The following PHF6 variants were observed in gnomAD, a reference collection of about 807,000 sequenced individuals.
PHF6 encodes the protein PHD finger protein 6, also known as PHD-like zinc finger protein.
A neutral mutation model predicts 34.0 loss-of-function variants in PHF6; 7 were observed. The observed-to-expected ratio is 0.21, with a 90% CI of 0.12 to 0.39. PHF6 has a LOEUF of 0.39. Among genes scored for constraint, PHF6 ranks in the 10% least tolerant of loss-of-function variants. PHF6 has a pLI of 1.00. For missense variants in PHF6, 128 were observed against 262.8 expected, an observed-to-expected ratio of 0.49 and a Z score of 3.55; for synonymous variants, 89 against 88.4, an observed-to-expected ratio of 1.01 and a Z score of -0.04.
At chrX:134,391,480 T>G (rs775554496) in intron 3 of PHF6, among the ~76,000 whole-genome samples, 1 of 111,809 alleles carries the variant, frequency 8.9e-6, no homozygotes, top group African/African-American at 3.2e-5. Flanking sequence ...TATGTACCAA[T>G]TTCCAGCTGT....
rs766066213 is a variant in PHF6 at position 134,378,549 on chromosome X, C to A, written c.240+443C>A. 4.4e-5 allele frequency among the ~76,000 whole-genome samples: 5 copies of A among 112,447 alleles called. No homozygotes were observed. The South Asian group carries it at 1.8e-3, about 41-fold the overall frequency. Reference sequence around the variant, plus strand: ...AGCACTTGCTGAACAAAGTATTTTACTGTAGTTCAGCTGTATAACACAACA... The same window carrying A: ...AGCACTTGCTGAACAAAGTATTTTAATGTAGTTCAGCTGTATAACACAACA... On this transcript the variant is annotated intron_variant, in intron 3 of 10. Coordinates refer to ENST00000370803, the MANE Select transcript of PHF6 (RefSeq NM_001015877.2).
chrX:134,384,936 C>A (rs970945606), intron 3 of PHF6, among the ~76,000 whole-genome samples: 14 of 111,920 alleles, frequency 1.3e-4, no homozygotes, highest in African/African-American at 4.5e-4. Flanking sequence ...CAGGCGTGAG[C>A]CACTGCGCCC....
chrX:134,374,870 A>G (rs939305862), intron 1 of PHF6, among the ~76,000 whole-genome samples: 3 of 112,026 alleles, frequency 2.7e-5, no homozygotes, highest in African/African-American at 6.5e-5. Context: ...TGTTTCTTTT[A>G]AAGAAAAGCC....
At chrX:134,381,382 T>A (rs2077306606) in intron 3 of PHF6, among the ~76,000 whole-genome samples, 2 of 111,648 alleles carry the variant, frequency 1.8e-5, no homozygotes, top group Non-Finnish European at 3.8e-5. Flanking sequence ...TGTGTCAATT[T>A]GTCTAAGCAA....
chrX:134,418,143 G>GAGCATATGCA (rs1285785550), intron 9 of PHF6: 3 of 111,221 alleles, frequency 2.7e-5, no homozygotes, highest in African/African-American at 9.8e-5. Context: ...GCAGAGAGAA[G>GAGCATATGCA]AGCATATGCA....
At chrX:134,393,730 C>A in intron 4 of PHF6, 96 bp downstream of exon 4, 1 of 874,910 alleles carries the variant, frequency 1.1e-6, no homozygotes, top group Non-Finnish European at 1.6e-6. Flanking sequence ...ATTTCATCAT[C>A]ATCATAAAGG....
chrX:134,381,423 GA>G (rs1370188919), intron 3 of PHF6, among the ~76,000 whole-genome samples: 18 of 110,312 alleles, frequency 1.6e-4, no homozygotes, highest in African/African-American at 2.6e-4. Context: ...TAGGAGGGGG[GA>G]AAAAGAGTGA....
At chrX:134,425,580 T>C (rs890702316) in intron 10 of PHF6, 81 bp from the exon 11 acceptor site, 8 of 358,657 alleles carry the variant, frequency 2.2e-5, no homozygotes, top group Non-Finnish European at 3.4e-5. Context: ...CAATAAGATA[T>C]TCACACTCCT....
intron 1 of PHF6, among the ~76,000 whole-genome samples, chrX:134,375,209 AT>A (rs1482225016): frequency 8.9e-6 from 1 of 112,308 alleles, no homozygotes; most frequent in Non-Finnish European, 1.9e-5. Context: ...GTCATTGCAC[AT>A]TGGGGAAAGT....
At chrX:134,406,094 CTT>C (rs2077422967) in intron 5 of PHF6, among the ~76,000 whole-genome samples, 2 of 99,155 alleles carry the variant, frequency 2.0e-5, no homozygotes, top group African/African-American at 7.5e-5. Context: ...TTCTTTCTTT[CTT>C]TCTTTCTTTC....
In PHF6 at chrX:134,422,832, G is replaced by A. The variant is rs375369567; in HGVS notation, c.969-2369G>A. ...ACCTAGACTAGTGAAGGCCATATAA[G>A]GGCCTATGGGAAATATTCTGCAAGT... On this transcript the variant is annotated intron_variant, in intron 9 of 10. Transcript: ENST00000370803. Among the ~76,000 whole-genome samples, 19 of 111,214 alleles carry A rather than the reference G, an allele frequency of 1.7e-4. No individual in the cohort carries two copies. In the East Asian group the frequency reaches 4.8e-3, roughly 28 times the overall value.
chrX:134,416,952 G>A (rs1057096203), intron 8 of PHF6, among the ~76,000 whole-genome samples: 1 of 111,893 alleles, frequency 8.9e-6, no homozygotes, highest in Non-Finnish European at 1.9e-5. Context: ...GACCTGGGAT[G>A]GTCAGTAGTT....
Position 134,393,554 on chromosome X carries a change from A to G in PHF6, c.294A>G (p.Thr98=), listed in dbSNP as rs766171622. 5 of 1,208,965 alleles carry G rather than the reference A, an allele frequency of 4.1e-6. No individual in the cohort carries two copies. Among genetic ancestry groups the G allele is most frequent in the Non-Finnish European group, 3.4e-6 (3 of 892,848 alleles). Residue 98 remains threonine (T), a synonymous_variant, in exon 4 of 11, where the codon ACA becomes ACG. Coordinates refer to ENST00000370803, the MANE Select transcript of PHF6 (RefSeq NM_001015877.2). The part of the protein sequence containing the change: ...PGATIGCDVK[T]CHRTYHYHCA... ...CAACAATTGGTTGTGATGTGAAAAC[A>G]TGTCACAGGACATACCACTACCACT...
chrX:134,415,635 T>C (rs1192352375), intron 8 of PHF6, among the ~76,000 whole-genome samples: 2 of 112,405 alleles, frequency 1.8e-5, no homozygotes, highest in Non-Finnish European at 3.8e-5. Context: ...TATTGATCGC[T>C]TACTCCTTTA....
intron 3 of PHF6, among the ~76,000 whole-genome samples, chrX:134,384,488 A>G (rs1380681267): frequency 2.7e-5 from 3 of 110,374 alleles, no homozygotes; most frequent in African/African-American, 6.6e-5. Flanking sequence ...CTTAAACTCA[A>G]CCTGTCTTAA....
At chrX:134,413,253 T>TA (rs372259751) in intron 5 of PHF6, among the ~76,000 whole-genome samples, 82 of 109,983 alleles carry the variant, frequency 7.5e-4, no homozygotes, top group Non-Finnish European at 1.2e-3. Flanking sequence ...AAACCTATGG[T>TA]AAAAAAAAAT....
intron 3 of PHF6, 115 bp downstream of exon 3, chrX:134,378,221 C>A: frequency 4.7e-6 from 2 of 429,007 alleles, no homozygotes; most frequent in Non-Finnish European, 7.5e-6. Context: ...AAATTGCAGG[C>A]TTTTCTTTTT....
chrX:134,373,880 A>G (rs1421419958), intron 1 of PHF6, among the ~76,000 whole-genome samples: 3 of 101,114 alleles, frequency 3.0e-5, no homozygotes, highest in Non-Finnish European at 6.0e-5. Flanking sequence ...GGTGGGGGGA[A>G]TTAGGGGTGA....
At chrX:134,395,188 C>G in intron 5 of PHF6, among the ~76,000 whole-genome samples, 1 of 112,004 alleles carries the variant, frequency 8.9e-6, no homozygotes, top group Admixed American at 9.4e-5. Context: ...AAATGGGATC[C>G]TTGATACTGT....
Sources: allele counts gnomAD v4.1 joint callset (sites outside exome capture counted in the v4.1 genomes callset), GRCh38; gene constraint gnomAD v4.1.1; transcripts MANE v1.5; gene names NCBI Gene and HGNC (gene_info 2026-07-23, HGNC 2026-07-21).